The following UNKL variants were observed in gnomAD, a reference collection of about 807,000 sequenced individuals.
The protein encoded by UNKL is putative E3 ubiquitin-protein ligase UNKL.
Under a neutral mutation model 78.0 loss-of-function variants are expected in UNKL, and 60 were observed. The observed-to-expected ratio is 0.77, with a 90% confidence interval of 0.63 to 0.95. UNKL has a LOEUF of 0.95. Among genes scored for constraint, UNKL ranks in the 40% least tolerant of loss-of-function variants. The pLI, the probability that UNKL is intolerant of heterozygous loss-of-function variation, is 0.00. For synonymous variants in UNKL, 608 were observed against 474.8 expected (o/e 1.28, Z -3.65); for missense variants, 1,159 against 1,045.7 (o/e 1.11, Z -1.49).
At chr16:1,404,409 T>C (rs1334558155) in intron 2 of UNKL, among the ~76,000 whole-genome samples, 2 of 152,102 alleles carry the variant, frequency 1.3e-5, no homozygotes, top group Non-Finnish European at 2.9e-5. Flanking sequence ...AGCCCCATCC[T>C]CTAAGGTCAG....
rs139472164 is a variant in UNKL at position 1,371,630 on chromosome 16, A to C, written c.1265-19T>G. 6 of 1,535,224 alleles carry C rather than the reference A, an allele frequency of 3.9e-6. No homozygotes were observed. Among genetic ancestry groups the C allele is most frequent in the Non-Finnish European group, 4.4e-6 (5 of 1,146,204 alleles). ...GCAGAACCTGTCAACAGAGCCCCCCATCATCCACAGCCCACCCAGCGCTGC... is the reference window on the plus strand; with the variant it reads ...GCAGAACCTGTCAACAGAGCCCCCCCTCATCCACAGCCCACCCAGCGCTGC... On this transcript the variant is annotated intron_variant, in intron 10 of 14. Transcript: ENST00000389221.
At chr16:1,380,923 C>T (rs958898524) in intron 10 of UNKL, among the ~76,000 whole-genome samples, 8 of 152,132 alleles carry the variant, frequency 5.3e-5, no homozygotes, top group Non-Finnish European at 7.4e-5. Flanking sequence ...GATCCACCCG[C>T]CCTGGCCTCC....
At chr16:1,389,535 C>T (rs553353084) in intron 9 of UNKL, among the ~76,000 whole-genome samples, 1 of 152,296 alleles carries the variant, frequency 6.6e-6, no homozygotes, top group Non-Finnish European at 1.5e-5. Context: ...GGGACTTGGC[C>T]ACTGCACTAC....
intron 8 of UNKL, among the ~76,000 whole-genome samples, 181 bp downstream of exon 8, chr16:1,392,710 C>T (rs2037098972): frequency 6.6e-6 from 1 of 152,256 alleles, no homozygotes; most frequent in African/African-American, 2.4e-5. Context: ...GCTGGGATGA[C>T]AGGCGTGAGC....
chr16:1,369,062 T>G (rs941776904), intron 12 of UNKL, among the ~76,000 whole-genome samples: 1 of 121,366 alleles, frequency 8.2e-6, no homozygotes, highest in Admixed American at 8.4e-5. Context: ...TTAGTTTTTT[T>G]TTTTTTTTTT....
At chr16:1,371,874 C>T (rs1408527855) in intron 10 of UNKL, among the ~76,000 whole-genome samples, 1 of 152,308 alleles carries the variant, frequency 6.6e-6, no homozygotes, top group Middle Eastern at 3.4e-3. Context: ...GCTGGGTCCT[C>T]GCCTCTGACA....
chr16:1,379,689 C>T (rs1049735487), intron 10 of UNKL: 65 of 984,516 alleles, frequency 6.6e-5, no homozygotes, highest in Non-Finnish European at 7.6e-5. Flanking sequence ...TCAAACCCGG[C>T]CCGCGCCCCG....
In UNKL at chr16:1,363,522, TAG is replaced by T. The variant is rs1297462280; in HGVS notation, c.*2716_*2717del. On this transcript the variant is annotated 3_prime_UTR_variant, in exon 15 of 15. Transcript: ENST00000389221. Reference sequence around the variant, plus strand: ...CTGTATCACGGCGAATGTCGAACACTAGAGTTACAGACGACAGGCAACAAGAA... The same window carrying T: ...CTGTATCACGGCGAATGTCGAACACTAGTTACAGACGACAGGCAACAAGAA... 1.5e-5 allele frequency: 4 copies of T among 259,948 alleles called. No homozygotes were observed. Among genetic ancestry groups the T allele is most frequent in the Non-Finnish European group, 3.1e-5 (4 of 130,930 alleles). 16.1% of individuals were successfully genotyped at this position (259,948 alleles called of 1,614,324 possible). A position where few individuals can be genotyped will look rare whatever the true frequency, so the allele number is the denominator to read the frequency against.
chr16:1,402,357 G>A (rs1444182660), intron 3 of UNKL, among the ~76,000 whole-genome samples: 2 of 152,256 alleles, frequency 1.3e-5, no homozygotes, highest in African/African-American at 2.4e-5. Context: ...CTGAAGGACT[G>A]TCTCATTAGA....
intron 10 of UNKL, among the ~76,000 whole-genome samples, chr16:1,375,840 C>T (rs1567208999): frequency 1.3e-5 from 2 of 152,162 alleles, no homozygotes; most frequent in African/African-American, 4.8e-5. Context: ...CGTCCCTGAG[C>T]GGACATCCAC....
chr16:1,400,142 C>T (rs553940677), intron 4 of UNKL, among the ~76,000 whole-genome samples: 4 of 152,182 alleles, frequency 2.6e-5, no homozygotes, highest in South Asian at 2.1e-4. Flanking sequence ...TTCACTGGGC[C>T]GGACGTGGTG....
At chr16:1,383,203 C>T (rs1596702230) in intron 10 of UNKL, among the ~76,000 whole-genome samples, 2 of 140,356 alleles carry the variant, frequency 1.4e-5, no homozygotes, top group Admixed American at 7.5e-5. Flanking sequence ...AGTCGGGAGG[C>T]AGAGGTTGCA....
chr16:1,378,447 A>C (rs2036400621), intron 10 of UNKL, among the ~76,000 whole-genome samples: 1 of 152,212 alleles, frequency 6.6e-6, no homozygotes, highest in African/African-American at 2.4e-5. Context: ...CATGAAAATC[A>C]AAGACGCAAA....
At chr16:1,406,723 G>C (rs1012854527) in intron 2 of UNKL, among the ~76,000 whole-genome samples, 2 of 152,126 alleles carry the variant, frequency 1.3e-5, no homozygotes, top group Non-Finnish European at 2.9e-5. Flanking sequence ...CTCATCATGA[G>C]ATCAGTTTAA....
At chr16:1,401,442 C>T (rs1312928973) in intron 4 of UNKL, 126 bp downstream of exon 4, 2 of 1,249,200 alleles carry the variant, frequency 1.6e-6, no homozygotes, top group African/African-American at 3.2e-5. Flanking sequence ...ACTCCACGAG[C>T]CTCGGTTTCC....
rs112827573 is a variant in UNKL, at chr16:1,381,163, G to C, written c.1264+4045C>G. ...CTCTGTCAAGCACACAGGCACCTGGGTCGACTTTCCACCCGAGTGAGCACA... is the reference window on the plus strand; with the variant it reads ...CTCTGTCAAGCACACAGGCACCTGGCTCGACTTTCCACCCGAGTGAGCACA... On this transcript the variant is annotated intron_variant, in intron 10 of 14. Coordinates refer to ENST00000389221, the MANE Select transcript of UNKL (RefSeq NM_001372107.1). Among the ~76,000 whole-genome samples the C allele has an allele frequency of 1.7e-3, 262 of 152,318 alleles. 3 individuals carry two copies. Among genetic ancestry groups the C allele is most frequent in the African/African-American group, 5.5e-3 (227 of 41,570 alleles).
At chr16:1,381,271 A>C (rs1481800160) in intron 10 of UNKL, among the ~76,000 whole-genome samples, 1 of 152,190 alleles carries the variant, frequency 6.6e-6, no homozygotes, top group Non-Finnish European at 1.5e-5. Flanking sequence ...TACTACTTTT[A>C]GGTTGGGGAA....
chr16:1,400,139 G>T (rs896553357), intron 4 of UNKL, among the ~76,000 whole-genome samples: 1 of 152,086 alleles, frequency 6.6e-6, no homozygotes, highest in Non-Finnish European at 1.5e-5. Flanking sequence ...TCATTCACTG[G>T]GCCGGACGTG....
intron 10 of UNKL, among the ~76,000 whole-genome samples, chr16:1,380,673 A>ATTTTTTT (rs57595079): frequency 0.026 from 2,563 of 99,164 alleles, 137 homozygotes; most frequent in African/African-American, 0.055. Flanking sequence ...CTGGTTCAGG[A>ATTTTTTT]TTTTTTTTTT....
Sources: gnomAD v4.1 joint callset for allele counts (sites outside exome capture counted in the v4.1 genomes callset) on GRCh38, gnomAD v4.1.1 for gene constraint, MANE v1.5 for transcripts, NCBI Gene and HGNC (gene_info 2026-07-23, HGNC 2026-07-21) for gene names.